The following AGPAT3 variants were observed in gnomAD, a reference collection of about 807,000 sequenced individuals.
AGPAT3 encodes 1-acyl-sn-glycerol-3-phosphate acyltransferase gamma.
AGPAT3 carries 5 observed loss-of-function variants against 47.3 expected under a neutral mutation model. That is an observed-to-expected ratio of 0.11 (90% CI 0.06 to 0.22). The LOEUF is 0.22. Ranked by LOEUF, AGPAT3 falls within the 10% of genes least tolerant of loss-of-function variation. The probability of loss-of-function intolerance (pLI) is 1.00; values close to 1 mark genes in which losing one functional copy is unlikely to be tolerated. For synonymous variants in AGPAT3, 212 were observed against 208.3 expected (o/e 1.02, Z -0.15); for missense variants, 315 against 493.0 (o/e 0.64, Z 3.42).
At chr21:43,888,223 A>G (rs1244270547) in intron 1 of AGPAT3, among the ~76,000 whole-genome samples, 3 of 152,104 alleles carry the variant, frequency 2.0e-5, no homozygotes, top group African/African-American at 7.2e-5. Flanking sequence ...ATTTTTTTGT[A>G]GAGATGGGGT....
rs949610423 is a variant in AGPAT3 at position 43,932,169 on chromosome 21, G to A, written c.-48-27465G>A. On this transcript the variant is annotated intron_variant, in intron 2 of 9. Coordinates refer to ENST00000291572, the MANE Select transcript of AGPAT3 (RefSeq NM_020132.5). The surrounding 1 kb of genome is among the most constrained non-coding windows in gnomAD (Gnocchi z 5.2). ...TGATTTTGAAACATGATACGTTATTGTTAACTGGTCGCCACGCAGCGCGGC... is the reference window on the plus strand; with the variant it reads ...TGATTTTGAAACATGATACGTTATTATTAACTGGTCGCCACGCAGCGCGGC... Among the ~76,000 whole-genome samples the A allele has an allele frequency of 6.6e-6, 1 of 152,152 alleles. No individual in the cohort carries two copies. Among genetic ancestry groups the A allele is most frequent in the Non-Finnish European group, 1.5e-5 (1 of 68,022 alleles).
intron 2 of AGPAT3, among the ~76,000 whole-genome samples, chr21:43,917,877 GGTTGTGGGGGTTGTAGGGGTTGCGGGT>G (rs1569063096): frequency 1.1e-4 from 13 of 123,746 alleles, no homozygotes; most frequent in African/African-American, 4.3e-4. Context: ...GTGTTGTGGG[GGTTGTGGGGGTTGTAGGGGTTGCGGGT>G]GTTGTGGGTG....
chr21:43,893,414 C>T (rs928625363), intron 1 of AGPAT3, among the ~76,000 whole-genome samples: 1 of 152,246 alleles, frequency 6.6e-6, no homozygotes, highest in African/African-American at 2.4e-5. Flanking sequence ...CGAACTTTCT[C>T]CATATCAGCA....
intron 1 of AGPAT3, among the ~76,000 whole-genome samples, chr21:43,882,265 T>C (rs919493149): frequency 2.0e-5 from 3 of 152,268 alleles, no homozygotes; most frequent in African/African-American, 7.2e-5. Context: ...AAATGTGTTA[T>C]TAGTGCTCTG....
At chr21:43,938,883 T>C (rs2087542195) in intron 2 of AGPAT3, among the ~76,000 whole-genome samples, 1 of 152,122 alleles carries the variant, frequency 6.6e-6, no homozygotes, top group Non-Finnish European at 1.5e-5. Flanking sequence ...ACCTGAAGCC[T>C]TGTGGGGGGA....
rs1601404921 is a variant in AGPAT3 at position 43,952,782 on chromosome 21, C to T, written c.-48-6852C>T. On this transcript the variant is annotated intron_variant, in intron 2 of 9. Transcript: ENST00000291572. The surrounding 1 kb of genome is among the most constrained non-coding windows in gnomAD (Gnocchi z 5.6). ...CATCTGAGCAGCCATGAAAAGGTGC[C>T]ATGGGGACTGGAGAGGCCCACTGTC... Among the ~76,000 whole-genome samples, 1 of 152,124 alleles carries T rather than the reference C, an allele frequency of 6.6e-6. No individual in the cohort carries two copies. The highest frequency in any genetic ancestry group is 2.1e-4 in the South Asian group (1 of 4,810).
intron 1 of AGPAT3, among the ~76,000 whole-genome samples, chr21:43,887,973 A>G (rs2086018339): frequency 6.6e-6 from 1 of 152,230 alleles, no homozygotes; most frequent in Non-Finnish European, 1.5e-5. Context: ...TTCTTGTTGT[A>G]CTATTAATTC....
At chr21:43,917,178 G>A (rs73371143) in intron 2 of AGPAT3, among the ~76,000 whole-genome samples, 14,346 of 78,430 alleles carry the variant, frequency 0.18, 1,430 homozygotes, top group African/African-American at 0.39. Context: ...CCCCGCCCCC[G>A]CCCCCCACAC....
intron 2 of AGPAT3, among the ~76,000 whole-genome samples, chr21:43,948,549 T>C (rs2088022240): frequency 6.6e-6 from 1 of 152,122 alleles, no homozygotes; most frequent in South Asian, 2.1e-4. Flanking sequence ...GAGGTTCTGT[T>C]ACCAGCAAAG....
chr21:43,915,007 A>T (rs1413475333), intron 2 of AGPAT3, among the ~76,000 whole-genome samples: 3 of 152,126 alleles, frequency 2.0e-5, no homozygotes, highest in Non-Finnish European at 4.4e-5. Flanking sequence ...GCATAGAGAT[A>T]TGCAATTATT....
rs1192674030 is a variant in AGPAT3 at position 43,933,101 on chromosome 21, A to G, written c.-48-26533A>G. ...ACATTCGTCTTTTTGATAATAGCCAACTGAACGGCATGAAATGACACCTCC... is the reference window on the plus strand; with the variant it reads ...ACATTCGTCTTTTTGATAATAGCCAGCTGAACGGCATGAAATGACACCTCC... On this transcript the variant is annotated intron_variant, in intron 2 of 9. Coordinates refer to ENST00000291572, the MANE Select transcript of AGPAT3 (RefSeq NM_020132.5). This position sits in a 1 kb window ranked among gnomAD's most constrained non-coding sequence, Gnocchi z 6.0. Among the ~76,000 whole-genome samples, 1 of 152,142 alleles carries G rather than the reference A, an allele frequency of 6.6e-6. No individual in the cohort carries two copies. The highest frequency in any genetic ancestry group is 1.5e-5 in the Non-Finnish European group (1 of 68,010).
chr21:43,961,352 G>T (rs1332100524), intron 3 of AGPAT3, among the ~76,000 whole-genome samples: 1 of 151,732 alleles, frequency 6.6e-6, no homozygotes. Context: ...GAAACGGTAA[G>T]CGCGTAGACA....
In AGPAT3 at chr21:43,986,472, GTGAA is replaced by G. The variant is rs2030311734; in HGVS notation, c.*4084_*4087del. Reference sequence around the variant, plus strand: ...CAAGTATTTGGACAGAAGTCGAACTGTGAATGAGATACTGAAATGCACTAAATTG... The same window carrying G: ...CAAGTATTTGGACAGAAGTCGAACTGTGAGATACTGAAATGCACTAAATTG... On this transcript the variant is annotated 3_prime_UTR_variant, in exon 10 of 10. Transcript: ENST00000291572. The G allele has an allele frequency of 6.5e-6, 1 of 152,764 alleles. No individual in the cohort carries two copies. The highest frequency in any genetic ancestry group is 2.4e-5 in the African/African-American group (1 of 41,580). 9.5% of individuals were successfully genotyped at this position (152,764 alleles called of 1,614,324 possible).
intron 2 of AGPAT3, among the ~76,000 whole-genome samples, chr21:43,909,959 G>T (rs755017881): frequency 6.6e-6 from 1 of 152,174 alleles, no homozygotes; most frequent in Admixed American, 6.5e-5. Flanking sequence ...CTGCACCAGG[G>T]TGCCCCAGGA....
At position 43,982,628 on chromosome 21, in the gene AGPAT3, G is replaced by A. The variant is rs2089893250; in HGVS notation, c.*236G>A. 3 of 361,420 alleles carry A rather than the reference G, an allele frequency of 8.3e-6. No individual in the cohort carries two copies. Among genetic ancestry groups the A allele is most frequent in the East Asian group, 5.8e-5 (1 of 17,136 alleles). 22.4% of individuals were successfully genotyped at this position (361,420 alleles called of 1,614,324 possible). On this transcript the variant is annotated 3_prime_UTR_variant, in exon 10 of 10. Transcript: ENST00000291572. The surrounding 1 kb of genome is among the most constrained non-coding windows in gnomAD (Gnocchi z 6.2). ...ACGCGCGCCCGTGGGAGGTGGGTCC[G>A]GCCGGAGAGGCCTCCCGCGGACGCC...
At chr21:43,890,170 C>T (rs2086070762) in intron 1 of AGPAT3, among the ~76,000 whole-genome samples, 1 of 152,074 alleles carries the variant, frequency 6.6e-6, no homozygotes. Flanking sequence ...AACACCGTCC[C>T]CCTAGTGCTG....
intron 1 of AGPAT3, among the ~76,000 whole-genome samples, chr21:43,877,508 T>G (rs2085760153): frequency 6.6e-6 from 1 of 152,120 alleles, no homozygotes; most frequent in Non-Finnish European, 1.5e-5. Flanking sequence ...AATGGTGCCA[T>G]GTTGGCTCAC....
intron 2 of AGPAT3, among the ~76,000 whole-genome samples, chr21:43,928,225 A>C (rs901342882): frequency 2.0e-5 from 3 of 152,228 alleles, no homozygotes; most frequent in Non-Finnish European, 4.4e-5. Flanking sequence ...TTTCAACTCC[A>C]GCCACAGGGG....
In AGPAT3 at chr21:43,922,515, G is replaced by A. The variant is rs956056744; in HGVS notation, c.-49+18496G>A. ...ACCCCACCCTCAAGGCAGGCAGCAC[G>A]TGGAGGAGAGTGTCCCTGTGTCCCT... On this transcript the variant is annotated intron_variant, in intron 2 of 9. Coordinates refer to ENST00000291572, the MANE Select transcript of AGPAT3 (RefSeq NM_020132.5). The surrounding 1 kb of genome is among the most constrained non-coding windows in gnomAD (Gnocchi z 4.9). 1.3e-5 allele frequency among the ~76,000 whole-genome samples: 2 copies of A among 152,326 alleles called. No homozygotes were observed. Among genetic ancestry groups the A allele is most frequent in the East Asian group, 3.9e-4 (2 of 5,180 alleles).
Sources: gnomAD v4.1 joint callset for allele counts (sites outside exome capture counted in the v4.1 genomes callset) on GRCh38, gnomAD v4.1.1 for gene constraint, Gnocchi (gnomAD v3.1) non-coding constraint, MANE v1.5 for transcripts, NCBI Gene and HGNC (gene_info 2026-07-23, HGNC 2026-07-21) for gene names.